EXOC4: variants seen among roughly 807,000 people sequenced by gnomAD.
EXOC4 encodes the protein SEC8-like 1.
In EXOC4, 71 loss-of-function variants were observed where a neutral mutation model predicts 107.2. That is an observed-to-expected ratio of 0.66 (90% CI 0.55 to 0.81). EXOC4 has a LOEUF of 0.81. Among genes scored for constraint, EXOC4 ranks in the 30% least tolerant of loss-of-function variants. The pLI, the probability that EXOC4 is intolerant of heterozygous loss-of-function variation, is 0.00. For missense variants in EXOC4, 1,108 were observed against 1,189.6 expected (o/e 0.93, Z 1.01); for synonymous variants, 456 against 441.2 (o/e 1.03, Z -0.42).
chr7:133,911,622 T>C (rs1799697673), intron 12 of EXOC4, among the ~76,000 whole-genome samples: 2 of 152,218 alleles, frequency 1.3e-5, no homozygotes, highest in Non-Finnish European at 2.9e-5. Flanking sequence ...AAGTAAATAA[T>C]GTGGGTACCT....
intron 2 of EXOC4, among the ~76,000 whole-genome samples, chr7:133,279,799 G>A (rs1458542157): frequency 3.3e-5 from 5 of 151,956 alleles, no homozygotes; most frequent in South Asian, 2.1e-4. Flanking sequence ...GATTATAGGC[G>A]TGAGCCGCTG....
At chr7:134,096,677 T>TA in the EXOC4 span, among the ~76,000 whole-genome samples, 2 of 152,126 alleles carry the variant, frequency 1.3e-5, no homozygotes, top group Non-Finnish European at 2.9e-5. Flanking sequence ...CTGAAGAATT[T>TA]AGAGTCTGAT....
At chr7:133,275,338 A>G (rs1338229252) in intron 2 of EXOC4, among the ~76,000 whole-genome samples, 167 bp downstream of exon 2, 1 of 152,148 alleles carries the variant, frequency 6.6e-6, no homozygotes, top group Non-Finnish European at 1.5e-5. Flanking sequence ...GAAAGATCAC[A>G]GAAGGCATCC....
chr7:133,948,466 AG>A (rs1800605617), intron 14 of EXOC4, among the ~76,000 whole-genome samples: 1 of 152,224 alleles, frequency 6.6e-6, no homozygotes, highest in Non-Finnish European at 1.5e-5. Flanking sequence ...GATTGATTTT[AG>A]AAAAATGTTC....
At chr7:134,081,449 A>G in the EXOC4 span, among the ~76,000 whole-genome samples, 14 of 152,274 alleles carry the variant, frequency 9.2e-5, 1 homozygote, top group Admixed American at 6.5e-4. Context: ...GCCATTTGAC[A>G]TTCTGTATAA....
intron 7 of EXOC4, among the ~76,000 whole-genome samples, chr7:133,410,289 A>G (rs1383399684): frequency 6.6e-6 from 1 of 152,212 alleles, no homozygotes; most frequent in Non-Finnish European, 1.5e-5. Flanking sequence ...GGAATAAAGC[A>G]TTATATTAGG....
intron 10 of EXOC4, among the ~76,000 whole-genome samples, chr7:133,685,708 A>G (rs1359071080): frequency 6.6e-6 from 1 of 152,216 alleles, no homozygotes; most frequent in East Asian, 1.9e-4. Flanking sequence ...GAACAAGTAT[A>G]CCTCTAAAAA....
rs113386173 is a variant in EXOC4, at chr7:133,930,982, AT to A, written c.2028-6899del. On this transcript the variant is annotated intron_variant, in intron 13 of 17. Coordinates refer to ENST00000253861, the MANE Select transcript of EXOC4 (RefSeq NM_021807.4). ...TCAGGTTCTAGTTTACATTTATGGC[AT>A]TTTTTTTTTCAAGCATTCGTCATTT... Among the ~76,000 whole-genome samples the A allele has an allele frequency of 4.2e-3, 590 of 139,776 alleles. 20 individuals are homozygous for A. In the East Asian group the frequency reaches 0.051, roughly 12 times the overall value. 91.7% of individuals were successfully genotyped at this position (139,776 alleles called of 152,430 possible).
At chr7:133,660,309 A>G (rs1435267368) in intron 10 of EXOC4, among the ~76,000 whole-genome samples, 1 of 151,878 alleles carries the variant, frequency 6.6e-6, no homozygotes, top group Non-Finnish European at 1.5e-5. Flanking sequence ...TTTACTGAGT[A>G]TTTTCCAAGC....
At chr7:133,427,443 G>C (rs1797752537) in intron 7 of EXOC4, among the ~76,000 whole-genome samples, 1 of 152,128 alleles carries the variant, frequency 6.6e-6, no homozygotes, top group African/African-American at 2.4e-5. Context: ...CACATGATCT[G>C]TTGTTCATAA....
intron 12 of EXOC4, among the ~76,000 whole-genome samples, chr7:133,901,683 A>C: frequency 6.6e-6 from 1 of 152,322 alleles, no homozygotes; most frequent in Non-Finnish European, 1.5e-5. Flanking sequence ...TGATAATGAT[A>C]ATAATGGTAA....
intron 9 of EXOC4, among the ~76,000 whole-genome samples, chr7:133,539,592 G>T (rs886218620): frequency 6.6e-6 from 1 of 150,862 alleles, no homozygotes; most frequent in Non-Finnish European, 1.5e-5. Context: ...AGTCTGTGGG[G>T]TGGGGGGGTA....
At chr7:133,385,371 A>G (rs1195454671) in intron 7 of EXOC4, among the ~76,000 whole-genome samples, 1 of 152,132 alleles carries the variant, frequency 6.6e-6, no homozygotes, top group Non-Finnish European at 1.5e-5. Context: ...GCATGAAGTC[A>G]TTGTCTTTGG....
At chr7:134,095,135 C>A in the EXOC4 span, among the ~76,000 whole-genome samples, 5 of 151,952 alleles carry the variant, frequency 3.3e-5, no homozygotes, top group African/African-American at 1.2e-4. Context: ...GTACAAAAAT[C>A]AATTACATAA....
At chr7:133,601,825 G>A (rs1402275693) in intron 9 of EXOC4, 1 of 152,280 alleles carries the variant, frequency 6.6e-6, no homozygotes, top group Non-Finnish European at 1.5e-5. Context: ...AGAGCTACTG[G>A]TGGAGTTAAG....
chr7:133,990,434 G>A (rs901036362), intron 14 of EXOC4, among the ~76,000 whole-genome samples: 3 of 151,924 alleles, frequency 2.0e-5, no homozygotes, highest in Non-Finnish European at 2.9e-5. Context: ...CATGTTGCTC[G>A]AATGACAGGA....
chr7:133,401,765 C>G (rs916048770), intron 7 of EXOC4, among the ~76,000 whole-genome samples: 1 of 151,822 alleles, frequency 6.6e-6, no homozygotes, highest in Non-Finnish European at 1.5e-5. Flanking sequence ...GCATGATTTT[C>G]CTTTTTTTTT....
intron 11 of EXOC4, among the ~76,000 whole-genome samples, chr7:133,849,854 AG>A (rs1361900961): frequency 2.0e-5 from 3 of 152,210 alleles, no homozygotes; most frequent in Non-Finnish European, 4.4e-5. Context: ...CAAAGGAAAA[AG>A]GTCTCTTGTC....
At chr7:133,483,491 A>C (rs1023809496) in intron 9 of EXOC4, among the ~76,000 whole-genome samples, 1 of 152,204 alleles carries the variant, frequency 6.6e-6, no homozygotes, top group East Asian at 1.9e-4. Context: ...AATCACTACA[A>C]TCTAACTAGG....
Sources: gnomAD v4.1 joint callset for allele counts (sites outside exome capture counted in the v4.1 genomes callset) on GRCh38, gnomAD v4.1.1 for gene constraint, MANE v1.5 for transcripts, NCBI Gene and HGNC (gene_info 2026-07-23, HGNC 2026-07-21) for gene names.